Variants in AFF1 observed in about 807,000 individuals in gnomAD.
The protein encoded by AFF1 is AF4/FMR2 family member 1.
A neutral mutation model predicts 121.7 loss-of-function variants in AFF1; 48 were observed. That is an observed-to-expected ratio of 0.39 (90% CI 0.31 to 0.50). The LOEUF (loss-of-function observed/expected upper bound fraction) is 0.50. Among genes scored for constraint, AFF1 ranks in the 20% least tolerant of loss-of-function variants. The probability of loss-of-function intolerance (pLI) is 0.76; values close to 1 mark genes in which losing one functional copy is unlikely to be tolerated. For synonymous variants in AFF1, 613 were observed against 563.0 expected (o/e 1.09, Z -1.26); for missense variants, 1,523 against 1,511.7 (o/e 1.01, Z -0.12).
intron 2 of AFF1, among the ~76,000 whole-genome samples, chr4:87,031,501 C>T (rs892065431): frequency 9.2e-5 from 14 of 151,560 alleles, no homozygotes; most frequent in African/African-American, 3.4e-4. Context: ...TTGTGGAATC[C>T]CTCACCTTTT....
rs1729399713 is a variant in AFF1, at chr4:87,137,572, AT to A, written c.*1872del. 4.3e-6 allele frequency: 1 copy of A among 230,712 alleles called. No individual in the cohort carries two copies. The highest frequency in any genetic ancestry group is 1.8e-4 in the South Asian group (1 of 5,514). 14.3% of individuals were successfully genotyped at this position (230,712 alleles called of 1,614,324 possible). On this transcript the variant is annotated 3_prime_UTR_variant, in exon 21 of 21. Transcript: ENST00000395146. The stretch of plus-strand genomic sequence containing the variant: ...AGTCATATCTGAGCATAAGACCTTG[AT>A]GTGTGATTCCTGATGACCGGTTTCA...
chr4:86,998,126 A>AAAAAAAAC (rs1725381921), intron 2 of AFF1, among the ~76,000 whole-genome samples: 5 of 132,776 alleles, frequency 3.8e-5, no homozygotes, highest in African/African-American at 1.4e-4. Context: ...AAAAAAAAAA[A>AAAAAAAAC]ACAAGAAAAC....
chr4:87,027,243 A>G (rs1728613840), intron 2 of AFF1, among the ~76,000 whole-genome samples: 2 of 152,370 alleles, frequency 1.3e-5, no homozygotes, highest in African/African-American at 4.8e-5. Context: ...GATTGCTTGT[A>G]GTTTCCCAGT....
At chr4:87,069,075 T>C (rs1272830447) in intron 4 of AFF1, among the ~76,000 whole-genome samples, 2 of 152,066 alleles carry the variant, frequency 1.3e-5, no homozygotes, top group African/African-American at 4.8e-5. Context: ...CCCCCTTCTC[T>C]TCTTTTCTTT....
At chr4:87,021,767 ACTTATT>A (rs1237013585) in intron 2 of AFF1, among the ~76,000 whole-genome samples, 2 of 152,116 alleles carry the variant, frequency 1.3e-5, no homozygotes, top group African/African-American at 4.8e-5. Context: ...CACATTGTTG[ACTTATT>A]CTTTATGTGT....
intron 4 of AFF1, among the ~76,000 whole-genome samples, chr4:87,081,829 T>C (rs1213689769): frequency 1.3e-5 from 2 of 152,220 alleles, no homozygotes; most frequent in Admixed American, 1.3e-4. Flanking sequence ...TATTAGTATC[T>C]GGATAAGGTC....
At chr4:87,006,993 T>G in intron 2 of AFF1, 1 of 1,076,592 alleles carries the variant, frequency 9.3e-7, no homozygotes, top group Non-Finnish European at 1.1e-6. Context: ...CCAGAGGCAA[T>G]TTCTTTTCCT....
intron 4 of AFF1, among the ~76,000 whole-genome samples, chr4:87,078,695 TG>T (rs938385146): frequency 6.6e-6 from 1 of 152,130 alleles, no homozygotes; most frequent in African/African-American, 2.4e-5. Context: ...ACTAGCGAGT[TG>T]GGGGTAGATG....
chr4:86,996,071 C>A (rs1302903233), intron 2 of AFF1, among the ~76,000 whole-genome samples: 1 of 151,716 alleles, frequency 6.6e-6, no homozygotes, highest in Non-Finnish European at 1.5e-5. Flanking sequence ...AGCGTCTCTG[C>A]CCGGCAGCCA....
intron 2 of AFF1, among the ~76,000 whole-genome samples, chr4:86,967,709 A>T (rs1722632105): frequency 6.6e-6 from 1 of 152,088 alleles, no homozygotes; most frequent in South Asian, 2.1e-4. Context: ...AGACTCAAGA[A>T]CAATTCTTAA....
chr4:87,020,313 A>C (rs1341006385), intron 2 of AFF1, among the ~76,000 whole-genome samples: 1 of 152,230 alleles, frequency 6.6e-6, no homozygotes, highest in African/African-American at 2.4e-5. Context: ...CCATGTAAGA[A>C]AGAACGTATT....
At chr4:87,102,887 G>A (rs868200457) in intron 8 of AFF1, among the ~76,000 whole-genome samples, 5 of 152,092 alleles carry the variant, frequency 3.3e-5, no homozygotes, top group African/African-American at 9.7e-5. Context: ...CACATTCAAC[G>A]ACTGATTCTT....
At chr4:87,060,978 C>T (rs192077287) in intron 4 of AFF1, among the ~76,000 whole-genome samples, 29 of 152,098 alleles carry the variant, frequency 1.9e-4, no homozygotes, top group Admixed American at 1.6e-3. Context: ...AGGATAAAAC[C>T]GGTACCGAGG....
intron 8 of AFF1, among the ~76,000 whole-genome samples, chr4:87,100,222 ACC>A (rs1725285052): frequency 4.6e-5 from 7 of 151,650 alleles, no homozygotes; most frequent in Non-Finnish European, 8.8e-5. Flanking sequence ...AGTGTATTTT[ACC>A]CTCTCTGTGG....
intron 2 of AFF1, among the ~76,000 whole-genome samples, chr4:86,967,349 G>A (rs955165112): frequency 6.6e-6 from 1 of 152,230 alleles, no homozygotes; most frequent in Middle Eastern, 3.4e-3. Context: ...AAACCGTAGG[G>A]CCCTTTTGAG....
At chr4:87,027,096 A>T (rs1033299642) in intron 2 of AFF1, among the ~76,000 whole-genome samples, 22 of 152,250 alleles carry the variant, frequency 1.4e-4, no homozygotes, top group Admixed American at 1.4e-3. Flanking sequence ...AGTATATTTT[A>T]AAGAATGAAT....
intron 12 of AFF1, among the ~76,000 whole-genome samples, chr4:87,121,148 C>T (rs1727645870): frequency 6.6e-6 from 1 of 152,130 alleles, no homozygotes; most frequent in Admixed American, 6.5e-5. Flanking sequence ...AGACAACTAA[C>T]CTAGTAGAAA....
chr4:87,049,754 G>A (rs1301582607), intron 4 of AFF1: 3 of 456,182 alleles, frequency 6.6e-6, no homozygotes, highest in South Asian at 4.6e-5. Flanking sequence ...GAGCCCCGTG[G>A]CGCTGTTGGT....
intron 7 of AFF1, 83 bp downstream of exon 7, chr4:87,091,912 G>T (rs1724358132): frequency 3.9e-6 from 4 of 1,021,994 alleles, no homozygotes; most frequent in South Asian, 1.5e-5. Context: ...AGTAAAAAAT[G>T]CCCCAGCAGA....
Sources: gnomAD v4.1 joint callset for allele counts (sites outside exome capture counted in the v4.1 genomes callset) on GRCh38, gnomAD v4.1.1 for gene constraint, MANE v1.5 for transcripts, NCBI Gene and HGNC (gene_info 2026-07-23, HGNC 2026-07-21) for gene names.